NBEA: variants seen among roughly 807,000 people sequenced by gnomAD.
NBEA encodes neurobeachin.
NBEA carries 44 observed loss-of-function variants against 343.4 expected under a neutral mutation model. The ratio of observed to expected loss-of-function variants is 0.13; its 90% CI spans 0.10 to 0.16. NBEA has a LOEUF of 0.16. Among genes scored for constraint, NBEA ranks in the 10% least tolerant of loss-of-function variants. NBEA has a pLI of 1.00. For synonymous variants in NBEA, 1,175 were observed against 1,238.7 expected, an observed-to-expected ratio of 0.95 and a Z score of 1.08; for missense variants, 2,555 against 3,631.3, an observed-to-expected ratio of 0.70 and a Z score of 7.62.
intron 17 of NBEA, among the ~76,000 whole-genome samples, chr13:35,130,315 G>A (rs182130806): frequency 6.8e-4 from 103 of 152,182 alleles, no homozygotes; most frequent in African/African-American, 2.3e-3. Flanking sequence ...TGTGAGTGAT[G>A]TGGAAATGTA....
At chr13:35,043,584 A>G (rs976925460) in intron 2 of NBEA, among the ~76,000 whole-genome samples, 2 of 151,856 alleles carry the variant, frequency 1.3e-5, no homozygotes, top group African/African-American at 4.8e-5. Flanking sequence ...ATTTTAATAC[A>G]TTTTTGTTGC....
At chr13:35,460,650 T>C (rs891119883) in intron 40 of NBEA, among the ~76,000 whole-genome samples, 5 of 152,180 alleles carry the variant, frequency 3.3e-5, no homozygotes, top group Non-Finnish European at 1.5e-5. Context: ...CAACCATGAT[T>C]CCATCATCTA....
In NBEA at chr13:34,983,548, C is replaced by T. The variant is rs150937088; in HGVS notation, c.294+40434C>T. Among the ~76,000 whole-genome samples the T allele has an allele frequency of 6.4e-3, 978 of 152,130 alleles. 11 individuals are homozygous for T. The highest frequency in any genetic ancestry group is 0.022 in the African/African-American group (933 of 41,494). On this transcript the variant is annotated intron_variant, in intron 1 of 58. Transcript: ENST00000379939. ...TTGGGTATATACCCAGTAGTGGGAT[C>T]GCTGGGTCAAATGATATTTCTAATT... is the stretch of plus-strand genomic sequence containing the variant.
intron 31 of NBEA, among the ~76,000 whole-genome samples, chr13:35,198,976 A>G (rs2072825872): frequency 6.6e-6 from 1 of 152,124 alleles, no homozygotes; most frequent in African/African-American, 2.4e-5. Context: ...TAATGTCATC[A>G]GGAGGCACAA....
intron 50 of NBEA, 87 bp downstream of exon 50, chr13:35,646,018 C>T: frequency 1.1e-6 from 1 of 891,130 alleles, no homozygotes; most frequent in African/African-American, 1.7e-5. Flanking sequence ...CACATTTAAC[C>T]CCAGCTTCTG....
In NBEA at chr13:35,159,664, A is replaced by C; in HGVS notation, c.3493A>C (p.Asn1165His). 1 of 1,611,752 alleles carries C rather than the reference A, an allele frequency of 6.2e-7. No individual in the cohort carries two copies. The highest frequency in any genetic ancestry group is 8.5e-7 in the Non-Finnish European group (1 of 1,178,888). The change falls in exon 22 of 59, where the codon AAT (asparagine) becomes CAT (histidine). Residue 1165 changes from asparagine (N) to histidine (H), a missense_variant. Asn to His is a moderately conservative substitution (Grantham distance 68, BLOSUM62 1). Transcript: ENST00000379939. Reference sequence around the variant, plus strand: ...AAAACTACTTCCTGAACTTTCTAGCAATCACATTATTCCAAATATTCAGGA... The same window carrying C: ...AAAACTACTTCCTGAACTTTCTAGCCATCACATTATTCCAAATATTCAGGA... ...EEKLLPELSS[N>H]HIIPNIQDTQ...
chr13:35,472,382 C>G lies in NBEA; in HGVS notation c.6449-18C>G, dbSNP rs1300580612. On this transcript the variant is annotated intron_variant, in intron 40 of 58. Transcript: ENST00000379939. ...GCCACAGGGGCTCAGCCTGACTCCC[C>G]TTGTCCTTGCCTTGCAGGCCCAGTG... 1 of 1,611,266 alleles carries G rather than the reference C, an allele frequency of 6.2e-7. No individual in the cohort carries two copies. Among genetic ancestry groups the G allele is most frequent in the Non-Finnish European group, 8.5e-7 (1 of 1,178,790 alleles).
intron 47 of NBEA, among the ~76,000 whole-genome samples, chr13:35,596,907 A>G (rs1172222632): frequency 6.6e-6 from 1 of 152,120 alleles, no homozygotes; most frequent in Non-Finnish European, 1.5e-5. Flanking sequence ...TTTGAAAAAA[A>G]AAAAGAAAGA....
At chr13:35,545,332 C>A (rs986139151) in intron 41 of NBEA, among the ~76,000 whole-genome samples, 1 of 152,164 alleles carries the variant, frequency 6.6e-6, no homozygotes, top group African/African-American at 2.4e-5. Flanking sequence ...CATCCCACTG[C>A]ATTCCACTCT....
intron 34 of NBEA, among the ~76,000 whole-genome samples, chr13:35,240,184 C>A (rs1366493333): frequency 6.6e-6 from 1 of 151,868 alleles, no homozygotes; most frequent in East Asian, 1.9e-4. Context: ...TGATAGAGAA[C>A]TTACTTTGAA....
intron 17 of NBEA, among the ~76,000 whole-genome samples, chr13:35,128,362 A>G (rs975225682): frequency 2.0e-5 from 3 of 152,186 alleles, no homozygotes; most frequent in Non-Finnish European, 2.9e-5. Context: ...AAACATTCAT[A>G]AACTAGAAAT....
At chr13:35,497,047 G>C (rs1345883317) in intron 41 of NBEA, among the ~76,000 whole-genome samples, 1 of 152,026 alleles carries the variant, frequency 6.6e-6, no homozygotes, top group East Asian at 1.9e-4. Flanking sequence ...AAATAGCTTA[G>C]TTAGATATGT....
At chr13:35,524,749 T>C (rs1172749227) in intron 41 of NBEA, among the ~76,000 whole-genome samples, 1 of 152,230 alleles carries the variant, frequency 6.6e-6, no homozygotes, top group African/African-American at 2.4e-5. Flanking sequence ...TACTGATTTA[T>C]GTATCATAGA....
chr13:35,524,831 T>G (rs1012843021), intron 41 of NBEA, among the ~76,000 whole-genome samples: 20 of 152,186 alleles, frequency 1.3e-4, no homozygotes, highest in Admixed American at 2.0e-4. Context: ...AATACAGCAC[T>G]TACCAGGATG....
intron 44 of NBEA, among the ~76,000 whole-genome samples, chr13:35,559,104 G>A (rs2079730289): frequency 6.6e-6 from 1 of 152,180 alleles, no homozygotes; most frequent in African/African-American, 2.4e-5. Flanking sequence ...AGGAGTGCCA[G>A]TTTAAACTGA....
intron 1 of NBEA, among the ~76,000 whole-genome samples, chr13:35,008,602 C>T (rs1456675735): frequency 2.0e-5 from 3 of 152,144 alleles, no homozygotes; most frequent in Non-Finnish European, 4.4e-5. Flanking sequence ...CATAATGCAG[C>T]TCTGTATTTA....
Position 35,044,991 on chromosome 13 carries a change from A to G in NBEA, c.571A>G (p.Thr191Ala). The part of the protein sequence containing the change: ...MLGVLASYSI[T>A]VKELKLLFSM... ...GGGGGTTCTTGCCAGCTACAGCATC[A>G]CTGTCAAGGAGTTGAAGCTTTTGTT... Residue 191 changes from threonine (T) to alanine (A), a missense_variant, in exon 3 of 59, where the codon ACT (threonine) becomes GCT (alanine). Physicochemically the swap from Thr to Ala is moderately conservative, Grantham distance 58. Transcript: ENST00000379939. 1 of 1,612,076 alleles carries G rather than the reference A, an allele frequency of 6.2e-7. No individual in the cohort carries two copies. The highest frequency in any genetic ancestry group is 8.5e-7 in the Non-Finnish European group (1 of 1,179,036).
At chr13:34,983,069 C>T (rs946455082) in intron 1 of NBEA, among the ~76,000 whole-genome samples, 3 of 152,042 alleles carry the variant, frequency 2.0e-5, no homozygotes, top group Non-Finnish European at 2.9e-5. Flanking sequence ...ATGTGCACAA[C>T]GTGCAGGTTT....
intron 21 of NBEA, among the ~76,000 whole-genome samples, chr13:35,157,853 G>T (rs970427674): frequency 6.6e-6 from 1 of 152,112 alleles, no homozygotes; most frequent in African/African-American, 2.4e-5. Context: ...AAGTGTTATA[G>T]AAGAAGCATG....
Sources: gnomAD v4.1 joint callset for allele counts (sites outside exome capture counted in the v4.1 genomes callset) on GRCh38, gnomAD v4.1.1 for gene constraint, MANE v1.5 for transcripts, NCBI Gene and HGNC (gene_info 2026-07-23, HGNC 2026-07-21) for gene names.